RSPH14: variants seen among roughly 807,000 people sequenced by gnomAD.
RSPH14 encodes rhabdoid tumor deletion region gene 1.
Under a neutral mutation model 26.7 loss-of-function variants are expected in RSPH14, and 20 were observed. The ratio of observed to expected loss-of-function variants is 0.75; its 90% CI spans 0.53 to 1.09. The LOEUF (loss-of-function observed/expected upper bound fraction) is 1.09. Among genes scored for constraint, RSPH14 ranks in the 50% least tolerant of loss-of-function variants. The pLI is 0.00. For missense variants in RSPH14, 449 were observed against 457.2 expected (o/e 0.98, Z 0.16); for synonymous variants, 177 against 189.3 (o/e 0.93, Z 0.53).
the RSPH14 span, chr22:23,162,857 A>G: frequency 2.9e-5 from 12 of 410,844 alleles, no homozygotes; most frequent in Non-Finnish European, 5.0e-5. Context: ...GAACACTGGC[A>G]TCTTTTTCTA....
the RSPH14 span, chr22:23,180,534 C>T: frequency 1.5e-3 from 284 of 183,252 alleles, no homozygotes; most frequent in African/African-American, 6.1e-3. Context: ...GGCGGGAGTG[C>T]GGCGAGAGCC....
chr22:23,171,863 A>C, the RSPH14 span, among the ~76,000 whole-genome samples: 3 of 151,728 alleles, frequency 2.0e-5, no homozygotes, highest in Middle Eastern at 3.2e-3. Flanking sequence ...AACAAAAAAA[A>C]AAAAACAAGC....
upstream of RSPH14, among the ~76,000 whole-genome samples, chr22:23,148,967 GA>G (rs1419880046): frequency 2.6e-5 from 4 of 152,196 alleles, no homozygotes; most frequent in Non-Finnish European, 5.9e-5. Flanking sequence ...GTGCTATTAT[GA>G]GCATCCCTGT....
chr22:23,145,501 G>A, upstream of RSPH14: 1 of 1,606,914 alleles, frequency 6.2e-7, no homozygotes, highest in Non-Finnish European at 8.5e-7. Flanking sequence ...CGCCGCCGCT[G>A]GCTCAGGCGG....
intron 4 of RSPH14, chr22:23,125,056 A>G (rs528308399): frequency 6.6e-6 from 1 of 152,356 alleles, no homozygotes; most frequent in South Asian, 2.1e-4. Flanking sequence ...CCAGTGTGCT[A>G]TGTGTGTAGC....
At chr22:23,160,633 C>T in the RSPH14 span, among the ~76,000 whole-genome samples, 1 of 152,126 alleles carries the variant, frequency 6.6e-6, no homozygotes, top group Non-Finnish European at 1.5e-5. Flanking sequence ...CCCAAGCAGG[C>T]AGTGGGGTGG....
chr22:23,095,803 G>C, intron 4 of RSPH14: 1 of 1,613,452 alleles, frequency 6.2e-7, no homozygotes. Flanking sequence ...AAATCAAGCT[G>C]CTCCTGCTGG....
intron 6 of RSPH14, among the ~76,000 whole-genome samples, chr22:23,060,749 C>T (rs1274436753): frequency 6.6e-6 from 1 of 152,146 alleles, no homozygotes; most frequent in Non-Finnish European, 1.5e-5. Flanking sequence ...TTGCCCCACC[C>T]ATGCTGGGCT....
At chr22:23,179,090 C>G in the RSPH14 span, among the ~76,000 whole-genome samples, 9 of 152,190 alleles carry the variant, frequency 5.9e-5, no homozygotes, top group Non-Finnish European at 1.3e-4. Context: ...CGGCAGGAAG[C>G]CCTGAACCCA....
Position 23,140,339 on chromosome 22 carries a change from G to A in RSPH14, c.82C>T (p.Leu28=). Residue 28 remains leucine (L), a synonymous_variant, in exon 2 of 7, where the codon CTG becomes TTG. Transcript: ENST00000216036. The part of the protein sequence containing the change: ...QITTAYGHRA[L]PKLKEELQSE... ...TGCAGCTCCTCCTTCAGCTTGGGCA[G>A]GGCCCGATGGCCATAGGCAGTGGTA... 1 of 1,614,188 alleles carries A rather than the reference G, an allele frequency of 6.2e-7. No individual in the cohort carries two copies. The highest frequency in any genetic ancestry group is 8.5e-7 in the Non-Finnish European group (1 of 1,180,030).
At chr22:23,150,304 C>CTT in the RSPH14 span, 699 of 442,402 alleles carry the variant, frequency 1.6e-3, no homozygotes, top group Non-Finnish European at 1.8e-3. Flanking sequence ...TTTTTTTTTT[C>CTT]TTTTTTTTTT....
At position 23,059,623 on chromosome 22, in the gene RSPH14, G is replaced by T. The variant is rs2068047748; in HGVS notation, c.886C>A (p.Leu296Ile). 2.5e-6 allele frequency: 4 copies of T among 1,610,392 alleles called. No individual in the cohort carries two copies. Among genetic ancestry groups the T allele is most frequent in the Non-Finnish European group, 3.4e-6 (4 of 1,178,594 alleles). ...TIARLNATKA[L>I]TMLAEAPEGR... ...TCGGGGGCCTCTGCCAGCATGGTAA[G>T]GGCCTTGGTGGCATTCAGGCGCGCT... Residue 296 changes from leucine to isoleucine, a missense_variant, in exon 7 of 7, where the codon CTT becomes ATT. Transcript: ENST00000216036.
At chr22:23,145,242 G>GGCCCCCCCCCCCCCC, upstream of RSPH14, 1 of 837,616 alleles carries the variant, frequency 1.2e-6, no homozygotes. Flanking sequence ...GGCCTCCATA[G>GGCCCCCCCCCCCCCC]CCCCGCCCAC....
At chr22:23,077,716 A>G (rs2146259918) in intron 4 of RSPH14, among the ~76,000 whole-genome samples, 1 of 152,266 alleles carries the variant, frequency 6.6e-6, no homozygotes, top group Non-Finnish European at 1.5e-5. Context: ...GCAGCTAATC[A>G]GGCTTCCCCA....
intron 4 of RSPH14, among the ~76,000 whole-genome samples, chr22:23,087,991 C>T (rs1305708176): frequency 6.6e-6 from 1 of 152,186 alleles, no homozygotes; most frequent in African/African-American, 2.4e-5. Flanking sequence ...AGGAGGTCTG[C>T]TTTGGGAGAG....
chr22:23,141,548 G>C (rs2070601527), intron 1 of RSPH14, among the ~76,000 whole-genome samples: 1 of 152,130 alleles, frequency 6.6e-6, no homozygotes. Context: ...TCATATTAAC[G>C]AATACACGTA....
rs141916978 is a variant in RSPH14 at position 23,106,044 on chromosome 22, A to T, written c.421+27982T>A. On this transcript the variant is annotated intron_variant, in intron 4 of 6. Coordinates refer to ENST00000216036, the MANE Select transcript of RSPH14 (RefSeq NM_014433.3). ...GGAGCAAATGCTCCCACCATCTTGGAATTTTCTGTCCCAGGACTGGGAGTC... is the reference window on the plus strand; with the variant it reads ...GGAGCAAATGCTCCCACCATCTTGGTATTTTCTGTCCCAGGACTGGGAGTC... 3.0e-3 allele frequency among the ~76,000 whole-genome samples: 458 copies of T among 152,216 alleles called. 1 individual carries two copies. Among genetic ancestry groups the T allele is most frequent in the African/African-American group, 0.01 (433 of 41,530 alleles).
the RSPH14 span, chr22:23,164,356 T>C: frequency 4.6e-5 from 7 of 152,288 alleles, no homozygotes; most frequent in Non-Finnish European, 4.4e-5. Context: ...CCTCCTGCAA[T>C]GTGCCAGCTG....
intron 4 of RSPH14, among the ~76,000 whole-genome samples, chr22:23,091,565 C>T (rs1335807728): frequency 3.3e-5 from 5 of 152,080 alleles, no homozygotes; most frequent in African/African-American, 1.2e-4. Context: ...CATACATGCA[C>T]ACGCACCGCA....
Sources: allele counts gnomAD v4.1 joint callset (sites outside exome capture counted in the v4.1 genomes callset), GRCh38; gene constraint gnomAD v4.1.1; transcripts MANE v1.5; gene names NCBI Gene and HGNC (gene_info 2026-07-23, HGNC 2026-07-21).